CDK14: variants seen among roughly 807,000 people sequenced by gnomAD.
CDK14 encodes the protein cyclin dependent kinase 14.
CDK14 carries 34 observed loss-of-function variants against 60.7 expected under a neutral mutation model. That is an observed-to-expected ratio of 0.56 (90% confidence interval 0.43 to 0.75). The LOEUF (loss-of-function observed/expected upper bound fraction) is 0.75. Ranked by LOEUF, CDK14 falls within the 30% of genes least tolerant of loss-of-function variation. The probability of loss-of-function intolerance (pLI) is 0.00; values close to 1 mark genes in which losing one functional copy is unlikely to be tolerated. For missense variants in CDK14, 482 were observed against 564.1 expected, an observed-to-expected ratio of 0.85 and a Z score of 1.47; for synonymous variants, 197 against 203.7, an observed-to-expected ratio of 0.97 and a Z score of 0.28.
At chr7:91,162,075 C>T (rs1387032555) in intron 14 of CDK14, among the ~76,000 whole-genome samples, 1 of 152,232 alleles carries the variant, frequency 6.6e-6, no homozygotes, top group Non-Finnish European at 1.5e-5. Context: ...TTTTTAAAAA[C>T]TAAGAAAGAG....
chr7:91,067,079 T>G (rs1346191436), intron 11 of CDK14, among the ~76,000 whole-genome samples: 1 of 152,196 alleles, frequency 6.6e-6, no homozygotes, highest in East Asian at 1.9e-4. Flanking sequence ...GTGTAAAACA[T>G]TCATATGCAA....
intron 7 of CDK14, among the ~76,000 whole-genome samples, chr7:90,907,423 A>G (rs187657527): frequency 1.6e-3 from 237 of 152,184 alleles, no homozygotes; most frequent in African/African-American, 5.4e-3. Flanking sequence ...ATTGATAAGC[A>G]TGAGAGACTG....
At chr7:90,765,427 G>A (rs1423236628) in intron 4 of CDK14, among the ~76,000 whole-genome samples, 1 of 152,028 alleles carries the variant, frequency 6.6e-6, no homozygotes, top group East Asian at 1.9e-4. Context: ...TTTAGAGCTG[G>A]GCAAAGAGAG....
intron 5 of CDK14, among the ~76,000 whole-genome samples, chr7:90,808,917 C>T (rs1184294916): frequency 6.6e-6 from 1 of 152,138 alleles, no homozygotes; most frequent in Non-Finnish European, 1.5e-5. Flanking sequence ...ACAAGAAGAG[C>T]TAATTATCCT....
At chr7:91,171,472 G>T (rs2518782) in intron 14 of CDK14, among the ~76,000 whole-genome samples, 135,670 of 152,214 alleles carry the variant, frequency 0.89, 60,951 homozygotes, top group African/African-American at 0.92. Context: ...GTAGAATAAT[G>T]TTTTTTAATA....
At chr7:91,030,325 G>A (rs545535027) in intron 10 of CDK14, among the ~76,000 whole-genome samples, 17 of 152,178 alleles carry the variant, frequency 1.1e-4, no homozygotes, top group African/African-American at 3.9e-4. Flanking sequence ...AAATAGCAGC[G>A]TCTTTTTTTA....
In CDK14 at chr7:90,874,961, C is replaced by G. The variant is rs373790854; in HGVS notation, c.639+11692C>G. Among the ~76,000 whole-genome samples, 4 of 152,212 alleles carry G rather than the reference C, an allele frequency of 2.6e-5. No homozygotes were observed. In the East Asian group the frequency reaches 5.8e-4, roughly 22 times the overall value. On this transcript the variant is annotated intron_variant, in intron 6 of 14. Coordinates refer to ENST00000380050, the MANE Select transcript of CDK14 (RefSeq NM_001287135.2). ...AACGTTGTGGAACCATTACTACAAC[C>G]TAATTTTACAATTCATTACCCTAAA...
At chr7:90,623,290 G>A (rs902490766) in intron 2 of CDK14, among the ~76,000 whole-genome samples, 1 of 152,108 alleles carries the variant, frequency 6.6e-6, no homozygotes, top group Non-Finnish European at 1.5e-5. Flanking sequence ...TTCTGGGGGT[G>A]TAGGCTGACC....
At chr7:90,959,320 C>T (rs1219390281) in intron 9 of CDK14, among the ~76,000 whole-genome samples, 1 of 152,136 alleles carries the variant, frequency 6.6e-6, no homozygotes, top group Non-Finnish European at 1.5e-5. Flanking sequence ...CTATGGTACA[C>T]CTGCCTGTCT....
chr7:90,609,659 T>C (rs572323235), intron 2 of CDK14, among the ~76,000 whole-genome samples: 3 of 152,342 alleles, frequency 2.0e-5, no homozygotes, highest in Admixed American at 1.3e-4. Flanking sequence ...AGGATTCCTG[T>C]ACATCCTGCA....
chr7:90,693,567 G>T (rs6465281), intron 2 of CDK14, among the ~76,000 whole-genome samples: 1 of 152,070 alleles, frequency 6.6e-6, no homozygotes, highest in African/African-American at 2.4e-5. Flanking sequence ...GGTAAGTAGA[G>T]CGGGAGAGCA....
rs1285193236 is a variant in CDK14, at chr7:90,621,663, T to TCCTTCCTGCCTTCCTG, written c.123+17430_123+17445dup. Among the ~76,000 whole-genome samples, 262 of 112,654 alleles carry TCCTTCCTGCCTTCCTG rather than the reference T, an allele frequency of 2.3e-3. 3 individuals carry two copies. Among genetic ancestry groups the TCCTTCCTGCCTTCCTG allele is most frequent in the Middle Eastern group, 0.013 (3 of 232 alleles). The allele number at this position is 112,654 out of a possible 152,430, so 73.9% of individuals were successfully genotyped here. ...TTCCTTCCTTCCTTCCTTCCTTCCT[T>TCCTTCCTGCCTTCCTG]CCTTCCTGCCTTCCTGCCTTCCTGC... On this transcript the variant is annotated intron_variant, in intron 2 of 14. Coordinates refer to ENST00000380050, the MANE Select transcript of CDK14 (RefSeq NM_001287135.2).
At chr7:91,076,847 A>G (rs549269318) in intron 11 of CDK14, among the ~76,000 whole-genome samples, 1 of 152,364 alleles carries the variant, frequency 6.6e-6, no homozygotes, top group South Asian at 2.1e-4. Flanking sequence ...GGATACAAAC[A>G]GAAATTTCTC....
intron 3 of CDK14, among the ~76,000 whole-genome samples, chr7:90,742,455 A>C (rs896864688): frequency 6.6e-6 from 1 of 152,008 alleles, no homozygotes; most frequent in Non-Finnish European, 1.5e-5. Context: ...GTGTTTATTT[A>C]GTTCTCTTTT....
chr7:90,788,364 G>T (rs941124140), intron 4 of CDK14, among the ~76,000 whole-genome samples: 1 of 152,142 alleles, frequency 6.6e-6, no homozygotes, highest in Non-Finnish European at 1.5e-5. Flanking sequence ...AGAGTACAAG[G>T]TGCAGTCTCC....
At chr7:90,967,195 G>GAAGA (rs1562849215) in intron 9 of CDK14, among the ~76,000 whole-genome samples, 2 of 150,404 alleles carry the variant, frequency 1.3e-5, no homozygotes, top group Non-Finnish European at 1.5e-5. Flanking sequence ...AGGAAGGAAG[G>GAAGA]AAGGAAGAAA....
At chr7:91,069,891 A>G (rs1436856552) in intron 11 of CDK14, among the ~76,000 whole-genome samples, 1 of 152,092 alleles carries the variant, frequency 6.6e-6, no homozygotes, top group Non-Finnish European at 1.5e-5. Context: ...CTACCTTCCA[A>G]ACTCAAGGGA....
intron 4 of CDK14, among the ~76,000 whole-genome samples, chr7:90,759,035 G>T (rs926057220): frequency 2.8e-5 from 4 of 141,904 alleles, no homozygotes; most frequent in African/African-American, 1.1e-4. Context: ...CAGCCTGGGT[G>T]ACAGAGCGAG....
chr7:90,778,057 G>A (rs1805123422), intron 4 of CDK14, among the ~76,000 whole-genome samples: 1 of 152,112 alleles, frequency 6.6e-6, no homozygotes, highest in South Asian at 2.1e-4. Flanking sequence ...AAAACTGGCT[G>A]TCTCTTGCAG....
Sources: gnomAD v4.1 joint callset for allele counts (sites outside exome capture counted in the v4.1 genomes callset) on GRCh38, gnomAD v4.1.1 for gene constraint, MANE v1.5 for transcripts, NCBI Gene and HGNC (gene_info 2026-07-23, HGNC 2026-07-21) for gene names.